The following PID1 variants were observed in gnomAD, a reference collection of about 807,000 sequenced individuals.
PID1 encodes the protein phosphotyrosine interaction domain containing 1.
Under a neutral mutation model 19.1 loss-of-function variants are expected in PID1, and 10 were observed. The observed-to-expected ratio is 0.52, with a 90% confidence interval of 0.32 to 0.89. PID1 has a LOEUF of 0.89. Ranked by LOEUF, PID1 falls within the 40% of genes least tolerant of loss-of-function variation. The pLI, the probability that PID1 is intolerant of heterozygous loss-of-function variation, is 0.03. For missense variants in PID1, 248 were observed against 285.3 expected (o/e 0.87, Z 0.94); for synonymous variants, 130 against 116.0 (o/e 1.12, Z -0.78).
rs191227845 is a variant in PID1, at chr2:229,166,903, G to A, written c.31-10939C>T. ...ATTTCAGTAACAATAAATAATGGTT[G>A]TAATGGATTATAACCCTAGACTAAA... On this transcript the variant is annotated intron_variant, in intron 1 of 2. Transcript: ENST00000392055. Among the ~76,000 whole-genome samples the A allele has an allele frequency of 1.7e-4, 26 of 150,910 alleles. No individual in the cohort carries two copies. The East Asian group carries it at 3.0e-3, about 17-fold the overall frequency.
At chr2:229,238,125 T>C (rs540411514) in intron 1 of PID1, among the ~76,000 whole-genome samples, 2 of 152,304 alleles carry the variant, frequency 1.3e-5, no homozygotes, top group South Asian at 4.1e-4. Flanking sequence ...TAAAACATTA[T>C]ATTTCCTTGG....
intron 2 of PID1, among the ~76,000 whole-genome samples, chr2:229,080,901 A>G (rs1694656429): frequency 6.6e-6 from 1 of 152,236 alleles, no homozygotes; most frequent in Non-Finnish European, 1.5e-5. Flanking sequence ...CATAAAAGCC[A>G]TCTCAACCTT....
intron 1 of PID1, among the ~76,000 whole-genome samples, chr2:229,157,534 AGTGT>A (rs1253444179): frequency 3.9e-5 from 6 of 152,260 alleles, no homozygotes; most frequent in Non-Finnish European, 7.4e-5. Context: ...AGAAACATAC[AGTGT>A]GTGCATCCCC....
chr2:229,237,772 A>T (rs934673531), intron 1 of PID1, among the ~76,000 whole-genome samples: 2 of 152,192 alleles, frequency 1.3e-5, no homozygotes, highest in African/African-American at 4.8e-5. Flanking sequence ...ATAAATACTT[A>T]TTTGAATTCT....
At position 229,025,381 on chromosome 2, in the gene PID1, G is replaced by GA. The variant is rs1240463978; in HGVS notation, c.*250dup. 1.5e-5 allele frequency: 7 copies of GA among 472,616 alleles called. No individual in the cohort carries two copies. Among genetic ancestry groups the GA allele is most frequent in the East Asian group, 3.7e-5 (1 of 26,830 alleles). 29.3% of individuals were successfully genotyped at this position (472,616 alleles called of 1,614,324 possible). A position where few individuals can be genotyped will look rare whatever the true frequency, so the allele number is the denominator to read the frequency against. On this transcript the variant is annotated 3_prime_UTR_variant, in exon 3 of 3. Coordinates refer to ENST00000392055, the MANE Select transcript of PID1 (RefSeq NM_001100818.2). ...AGGCATTGGGAAATGAGAAAAATAA[G>GA]AGAGCCTAGAACCTTCCTCCCCATC... is the stretch of plus-strand genomic sequence containing the variant.
At chr2:229,037,273 C>T (rs548829315) in intron 2 of PID1, among the ~76,000 whole-genome samples, 37 of 152,026 alleles carry the variant, frequency 2.4e-4, no homozygotes, top group Non-Finnish European at 3.7e-4. Flanking sequence ...ATATATACCA[C>T]GGAGGAAAAA....
In PID1 at chr2:229,135,714, C is replaced by T. The variant is rs192043366; in HGVS notation, c.177+20104G>A. Among the ~76,000 whole-genome samples the T allele has an allele frequency of 1.1e-3, 170 of 152,112 alleles. 4 individuals carry two copies. Among genetic ancestry groups the T allele is most frequent in the Middle Eastern group, 3.4e-3 (1 of 294 alleles). ...GGATGTGTGGATGGGGAGTGATGCA[C>T]GGCATAAAAACATGTCATGTCCAGA... On this transcript the variant is annotated intron_variant, in intron 2 of 2. Coordinates refer to ENST00000392055, the MANE Select transcript of PID1 (RefSeq NM_001100818.2).
chr2:229,127,688 T>A (rs1417175043), intron 2 of PID1, among the ~76,000 whole-genome samples: 1 of 152,196 alleles, frequency 6.6e-6, no homozygotes, highest in Non-Finnish European at 1.5e-5. Flanking sequence ...ATGCCATTAA[T>A]ACTTCCCCAG....
intron 2 of PID1, among the ~76,000 whole-genome samples, chr2:229,063,902 GT>G (rs568828473): frequency 1.3e-5 from 2 of 152,052 alleles, no homozygotes; most frequent in East Asian, 1.9e-4. Context: ...TCTTTTTACA[GT>G]TTTTTTGTTA....
chr2:229,256,409 C>T (rs1267228620), intron 1 of PID1, among the ~76,000 whole-genome samples: 1 of 152,156 alleles, frequency 6.6e-6, no homozygotes, highest in East Asian at 1.9e-4. Flanking sequence ...AAACCTCAGG[C>T]CCACAGTTTG....
chr2:229,181,631 C>G (rs1368021601), intron 1 of PID1, among the ~76,000 whole-genome samples: 1 of 152,136 alleles, frequency 6.6e-6, no homozygotes, highest in Non-Finnish European at 1.5e-5. Context: ...TCAAAAGATC[C>G]AAATTTATAA....
chr2:229,197,130 C>T (rs896482454), intron 1 of PID1, among the ~76,000 whole-genome samples: 5 of 151,860 alleles, frequency 3.3e-5, no homozygotes, highest in Non-Finnish European at 7.4e-5. Flanking sequence ...CATTAGGATA[C>T]AAAGGTGAAA....
At chr2:229,082,118 T>C (rs1209057333) in intron 2 of PID1, among the ~76,000 whole-genome samples, 3 of 152,238 alleles carry the variant, frequency 2.0e-5, no homozygotes, top group African/African-American at 7.2e-5. Flanking sequence ...TCAGGTGTTC[T>C]TGAGATGTCA....
chr2:229,237,080 C>T (rs989205745), intron 1 of PID1, among the ~76,000 whole-genome samples: 2 of 151,582 alleles, frequency 1.3e-5, no homozygotes, highest in African/African-American at 4.9e-5. Flanking sequence ...TAAAATATTA[C>T]TCCATATTAA....
intron 2 of PID1, among the ~76,000 whole-genome samples, chr2:229,109,992 C>T (rs1235470278): frequency 6.6e-6 from 1 of 152,168 alleles, no homozygotes; most frequent in Admixed American, 6.5e-5. Context: ...GGAGGAGTCA[C>T]TCTACCTGTT....
intron 1 of PID1, among the ~76,000 whole-genome samples, chr2:229,210,725 T>C (rs1209502635): frequency 6.6e-6 from 1 of 152,062 alleles, no homozygotes; most frequent in South Asian, 2.1e-4. Context: ...GCCAATATGG[T>C]GCTAGAAGCC....
chr2:229,104,282 A>G (rs920122186), intron 2 of PID1, among the ~76,000 whole-genome samples: 2 of 152,204 alleles, frequency 1.3e-5, no homozygotes, highest in African/African-American at 2.4e-5. Flanking sequence ...GTAAGTATGA[A>G]TTAGCCTGAC....
At chr2:229,073,522 C>A (rs1694499815) in intron 2 of PID1, among the ~76,000 whole-genome samples, 1 of 152,306 alleles carries the variant, frequency 6.6e-6, no homozygotes, top group East Asian at 1.9e-4. Context: ...TCAATATTCT[C>A]CTGTCTTCAA....
chr2:229,214,853 TACAC>T (rs201212588), intron 1 of PID1, among the ~76,000 whole-genome samples: 125 of 148,942 alleles, frequency 8.4e-4, no homozygotes, highest in African/African-American at 2.8e-3. Context: ...TTTATATAGA[TACAC>T]ACACACACAC....
Sources: gnomAD v4.1 joint callset for allele counts (sites outside exome capture counted in the v4.1 genomes callset) on GRCh38, gnomAD v4.1.1 for gene constraint, MANE v1.5 for transcripts, NCBI Gene and HGNC (gene_info 2026-07-23, HGNC 2026-07-21) for gene names.